The following CACNG5 variants were observed in gnomAD, a reference collection of about 807,000 sequenced individuals.
CACNG5 encodes voltage-dependent calcium channel gamma-5 subunit.
In CACNG5, 18 loss-of-function variants were observed where a neutral mutation model predicts 24.8. The ratio of observed to expected loss-of-function variants is 0.73; its 90% CI spans 0.50 to 1.08. The LOEUF (loss-of-function observed/expected upper bound fraction) is 1.08, where lower values mean the gene tolerates loss of function less well. CACNG5 is among the 50% of genes least tolerant of loss of function. CACNG5 has a pLI of 0.00. For missense variants in CACNG5, 349 were observed against 367.9 expected, an observed-to-expected ratio of 0.95 and a Z score of 0.42; for synonymous variants, 157 against 149.1, an observed-to-expected ratio of 1.05 and a Z score of -0.39.
At position 66,889,668 on chromosome 17, in the gene CACNG5, G is replaced by A. The variant is rs1288855448; in HGVS notation, c.*4428G>A. 6.6e-6 allele frequency among the ~76,000 whole-genome samples: 1 copy of A among 152,210 alleles called. No individual in the cohort carries two copies. Among genetic ancestry groups the A allele is most frequent in the Non-Finnish European group, 1.5e-5 (1 of 68,042 alleles). On this transcript the variant is annotated 3_prime_UTR_variant, in exon 6 of 6. Coordinates refer to ENST00000533854, the MANE Select transcript of CACNG5 (RefSeq NM_145811.3). ...GGACTTGCAGTTCAAGTCCAAACTT[G>A]CAGTCTCCTGGCAGAAATCCTGGCT... is the stretch of plus-strand genomic sequence containing the variant.
intron 1 of CACNG5, among the ~76,000 whole-genome samples, chr17:66,836,483 A>G (rs897950542): frequency 3.9e-5 from 6 of 152,202 alleles, no homozygotes; most frequent in Non-Finnish European, 7.3e-5. Context: ...TCTCAGGACC[A>G]CAGGCATCTC....
At position 66,877,136 on chromosome 17, in the gene CACNG5, G is replaced by A. The variant is rs1977090894; in HGVS notation, c.-103-94G>A. The A allele has an allele frequency of 1.6e-5, 9 of 564,916 alleles. No homozygotes were observed. In the South Asian group the frequency reaches 1.8e-4, roughly 11 times the overall value. The allele number at this position is 564,916 out of a possible 1,614,324, so 35.0% of individuals were successfully genotyped here. On this transcript the variant is annotated intron_variant, in intron 1 of 5. Coordinates refer to ENST00000533854, the MANE Select transcript of CACNG5 (RefSeq NM_145811.3). ...GGTGGCACCTCTGTTGCAGTGACCT[G>A]GTGTCCAGGGGGTTGCCTGGTGGTC...
chr17:66,894,117 G>A lies in CACNG5; in HGVS notation c.*8877G>A, dbSNP rs1160644922. On this transcript the variant is annotated 3_prime_UTR_variant, in exon 6 of 6. Transcript: ENST00000533854. Reference sequence around the variant, plus strand: ...CATCCCGCCACCCCTCTCAGGCCCTGCCAAGGACTCTGCTCACTGCTGCTC... The same window carrying A: ...CATCCCGCCACCCCTCTCAGGCCCTACCAAGGACTCTGCTCACTGCTGCTC... Among the ~76,000 whole-genome samples the A allele has an allele frequency of 1.3e-5, 2 of 152,128 alleles. No homozygotes were observed. The highest frequency in any genetic ancestry group is 1.9e-4 in the East Asian group (1 of 5,180).
intron 3 of CACNG5, among the ~76,000 whole-genome samples, chr17:66,880,219 C>T (rs1165666822): frequency 1.3e-5 from 2 of 152,220 alleles, no homozygotes; most frequent in African/African-American, 2.4e-5. Flanking sequence ...ATGACCTGGC[C>T]CTTCCACAGC....
intron 4 of CACNG5, among the ~76,000 whole-genome samples, chr17:66,882,925 CTT>C (rs1186420709): frequency 3.4e-5 from 5 of 147,778 alleles, no homozygotes; most frequent in Non-Finnish European, 7.5e-5. Context: ...AAGAGCCACT[CTT>C]TCTTTCTCCT....
At chr17:66,856,758 G>T (rs1370337318) in intron 1 of CACNG5, among the ~76,000 whole-genome samples, 3 of 152,030 alleles carry the variant, frequency 2.0e-5, no homozygotes, top group Non-Finnish European at 2.9e-5. Context: ...GGCCAGGCTG[G>T]TCTCAAACTC....
At chr17:66,853,849 A>T (rs1249965785) in intron 1 of CACNG5, among the ~76,000 whole-genome samples, 1 of 152,204 alleles carries the variant, frequency 6.6e-6, no homozygotes, top group Non-Finnish European at 1.5e-5. Flanking sequence ...TAACGGTAAA[A>T]TGTTAGAATC....
At chr17:66,854,704 A>G (rs1430733117) in intron 1 of CACNG5, among the ~76,000 whole-genome samples, 2 of 152,190 alleles carry the variant, frequency 1.3e-5, no homozygotes, top group Non-Finnish European at 2.9e-5. Context: ...CAAAAAAAAG[A>G]AAGAAAAAAG....
At position 66,885,360 on chromosome 17, in the gene CACNG5, T is replaced by A; in HGVS notation, c.*120T>A. ...GCCCAGGCCACCCATGCTTAGCTGT[T>A]GTCACTTGACCCCAGTCCTCTCCCT... On this transcript the variant is annotated 3_prime_UTR_variant, in exon 6 of 6. Transcript: ENST00000533854. The A allele has an allele frequency of 7.9e-7, 1 of 1,265,116 alleles. No individual in the cohort carries two copies. Among genetic ancestry groups the A allele is most frequent in the Non-Finnish European group, 1.1e-6 (1 of 925,610 alleles). The allele number at this position is 1,265,116 out of a possible 1,614,324, so 78.4% of individuals were successfully genotyped here.
intron 1 of CACNG5, among the ~76,000 whole-genome samples, chr17:66,867,893 G>A (rs1976952466): frequency 6.6e-6 from 1 of 152,208 alleles, no homozygotes; most frequent in Non-Finnish European, 1.5e-5. Flanking sequence ...ATAGTTTGAA[G>A]TCATGTAGCA....
At chr17:66,871,055 A>G (rs576483953) in intron 1 of CACNG5, among the ~76,000 whole-genome samples, 1 of 151,960 alleles carries the variant, frequency 6.6e-6, no homozygotes, top group Non-Finnish European at 1.5e-5. Context: ...GCCTAGACTC[A>G]AGGACAGGAG....
chr17:66,880,418 G>C, intron 3 of CACNG5, 139 bp from the exon 4 acceptor site: 5 of 958,422 alleles, frequency 5.2e-6, no homozygotes, highest in Non-Finnish European at 6.2e-6. Flanking sequence ...ACCTGATGGG[G>C]GTAGAGTCTG....
intron 1 of CACNG5, among the ~76,000 whole-genome samples, chr17:66,859,628 GC>G (rs1976828711): frequency 6.6e-6 from 1 of 152,032 alleles, no homozygotes; most frequent in African/African-American, 2.4e-5. Flanking sequence ...AGAGAGCTTT[GC>G]TAAAGCCAGA....
chr17:66,880,438 T>C (rs1213370128), intron 3 of CACNG5, 119 bp from the exon 4 acceptor site: 1 of 1,265,506 alleles, frequency 7.9e-7, no homozygotes, highest in African/African-American at 1.5e-5. Context: ...GGGGAACCCC[T>C]GCAGGGGTGG....
At chr17:66,874,926 G>T (rs559010538) in intron 1 of CACNG5, among the ~76,000 whole-genome samples, 2 of 152,258 alleles carry the variant, frequency 1.3e-5, no homozygotes, top group South Asian at 4.1e-4. Context: ...TGAGCTTCAA[G>T]TGTAAATGAC....
In CACNG5 at chr17:66,880,762, G is replaced by A. The variant is rs1977148234; in HGVS notation, c.424+65G>A. The A allele has an allele frequency of 1.9e-5, 30 of 1,584,090 alleles. No individual in the cohort carries two copies. In the South Asian group the frequency reaches 3.4e-4, roughly 18 times the overall value. On this transcript the variant is annotated intron_variant, in intron 4 of 5. Coordinates refer to ENST00000533854, the MANE Select transcript of CACNG5 (RefSeq NM_145811.3). ...TTTGTTTTTTGTTTTTTGTTTTTGAGACAGAGTCTTGCTCTGGCACCCACG... is the reference window on the plus strand; with the variant it reads ...TTTGTTTTTTGTTTTTTGTTTTTGAAACAGAGTCTTGCTCTGGCACCCACG...
At chr17:66,852,431 C>T (rs947155122) in intron 1 of CACNG5, among the ~76,000 whole-genome samples, 1 of 152,142 alleles carries the variant, frequency 6.6e-6, no homozygotes, top group Non-Finnish European at 1.5e-5. Context: ...CTCTGGAGAA[C>T]CCTAATAGAA....
intron 1 of CACNG5, among the ~76,000 whole-genome samples, chr17:66,868,795 G>C (rs1438459215): frequency 6.6e-6 from 1 of 152,150 alleles, no homozygotes; most frequent in East Asian, 1.9e-4. Context: ...TGCCCACCAT[G>C]AAGACACCTT....
intron 1 of CACNG5, among the ~76,000 whole-genome samples, chr17:66,848,015 T>C (rs1976660586): frequency 6.6e-6 from 1 of 152,208 alleles, no homozygotes; most frequent in Admixed American, 6.5e-5. Flanking sequence ...AAAAGAGTGT[T>C]GTTTCCTGGA....
Sources: allele counts gnomAD v4.1 joint callset (sites outside exome capture counted in the v4.1 genomes callset), GRCh38; gene constraint gnomAD v4.1.1; transcripts MANE v1.5; gene names NCBI Gene and HGNC (gene_info 2026-07-23, HGNC 2026-07-21).